Variants in NLGN1 observed in about 807,000 individuals in gnomAD.
The protein encoded by NLGN1 is neuroligin 1, also known as neuroligin-1.
In NLGN1, 12 loss-of-function variants were observed where a neutral mutation model predicts 65.5. That is an observed-to-expected ratio of 0.18 (90% CI 0.12 to 0.30). The LOEUF (loss-of-function observed/expected upper bound fraction) is 0.30. Ranked by LOEUF, NLGN1 falls within the 10% of genes least tolerant of loss-of-function variation. NLGN1 has a pLI of 1.00. For missense variants in NLGN1, 750 were observed against 1,007.1 expected (o/e 0.74, Z 3.46); for synonymous variants, 350 against 359.5 (o/e 0.97, Z 0.30).
intron 2 of NLGN1, among the ~76,000 whole-genome samples, chr3:173,482,444 C>T (rs567953791): frequency 3.5e-4 from 53 of 151,946 alleles, no homozygotes; most frequent in African/African-American, 1.3e-3. Context: ...CACTCCCAGC[C>T]CCATCTCCAC....
At chr3:173,812,349 G>A (rs1433282826) in intron 4 of NLGN1, among the ~76,000 whole-genome samples, 2 of 152,062 alleles carry the variant, frequency 1.3e-5, no homozygotes, top group Admixed American at 1.3e-4. Flanking sequence ...TATTAGATAT[G>A]GTTAATGAAA....
chr3:174,053,586 T>G (rs1188467375), intron 4 of NLGN1, among the ~76,000 whole-genome samples: 2 of 152,030 alleles, frequency 1.3e-5, no homozygotes, highest in Non-Finnish European at 2.9e-5. Context: ...GAGCAGTAAG[T>G]AATGGGTAAA....
At chr3:173,718,884 G>A (rs943972561) in intron 3 of NLGN1, among the ~76,000 whole-genome samples, 1 of 152,138 alleles carries the variant, frequency 6.6e-6, no homozygotes, top group African/African-American at 2.4e-5. Flanking sequence ...TTTTATGATT[G>A]GTGAACTGAA....
At chr3:173,754,399 T>A (rs181050946) in intron 3 of NLGN1, among the ~76,000 whole-genome samples, 4 of 152,296 alleles carry the variant, frequency 2.6e-5, no homozygotes, top group Admixed American at 1.3e-4. Flanking sequence ...CTGTACTACA[T>A]GAAATTGCAA....
At chr3:174,082,899 G>A (rs966483250) in intron 4 of NLGN1, among the ~76,000 whole-genome samples, 1 of 151,924 alleles carries the variant, frequency 6.6e-6, no homozygotes, top group African/African-American at 2.4e-5. Flanking sequence ...TTTTTTGTGT[G>A]TATTTTTAGT....
intron 4 of NLGN1, among the ~76,000 whole-genome samples, chr3:174,102,581 T>A (rs1267080047): frequency 6.6e-6 from 1 of 152,062 alleles, no homozygotes; most frequent in Non-Finnish European, 1.5e-5. Flanking sequence ...AAAATGACGA[T>A]AGGAATAAAA....
chr3:173,430,092 G>T (rs1196743528), intron 1 of NLGN1, among the ~76,000 whole-genome samples: 1 of 152,180 alleles, frequency 6.6e-6, no homozygotes, highest in Non-Finnish European at 1.5e-5. Flanking sequence ...TGACGAAACT[G>T]TCTGTCTTCC....
chr3:173,494,611 C>T (rs982404242), intron 2 of NLGN1, among the ~76,000 whole-genome samples: 3 of 151,740 alleles, frequency 2.0e-5, no homozygotes, highest in African/African-American at 4.9e-5. Flanking sequence ...GAAACTTTGA[C>T]TAACATCAAG....
chr3:173,397,766 C>T (rs969272415), upstream of NLGN1: 1 of 152,212 alleles, frequency 6.6e-6, no homozygotes, highest in African/African-American at 2.4e-5. Flanking sequence ...AGCCGAGGAT[C>T]AGGCGGCGGC....
intron 2 of NLGN1, among the ~76,000 whole-genome samples, chr3:173,573,832 G>C (rs1745039522): frequency 6.6e-6 from 1 of 151,600 alleles, no homozygotes; most frequent in African/African-American, 2.4e-5. Context: ...AGGAGACTGA[G>C]GTGGTCGGAT....
intron 4 of NLGN1, among the ~76,000 whole-genome samples, chr3:174,095,787 G>A (rs560604934): frequency 6.6e-6 from 1 of 152,012 alleles, no homozygotes; most frequent in South Asian, 2.1e-4. Flanking sequence ...ATCACCTGAG[G>A]TCAGGAGTTC....
chr3:173,972,487 G>A (rs1716488515), intron 4 of NLGN1, among the ~76,000 whole-genome samples: 1 of 152,090 alleles, frequency 6.6e-6, no homozygotes, highest in South Asian at 2.1e-4. Flanking sequence ...GGTTCAGTAA[G>A]TTCCCAAAGA....
At chr3:173,786,892 A>G (rs1332601851) in intron 3 of NLGN1, among the ~76,000 whole-genome samples, 2 of 152,156 alleles carry the variant, frequency 1.3e-5, no homozygotes, top group South Asian at 2.1e-4. Context: ...CCTGGCCAAC[A>G]TAGTGAAACC....
chr3:174,005,359 G>A (rs192969274), intron 4 of NLGN1, among the ~76,000 whole-genome samples: 13 of 152,202 alleles, frequency 8.5e-5, no homozygotes, highest in East Asian at 7.7e-4. Flanking sequence ...CTGGGACCTC[G>A]TGTGTATTGC....
At chr3:173,834,196 C>A (rs899033156) in intron 4 of NLGN1, among the ~76,000 whole-genome samples, 7 of 152,114 alleles carry the variant, frequency 4.6e-5, no homozygotes, top group Non-Finnish European at 1.0e-4. Flanking sequence ...CTCTTATATT[C>A]CATTCTGTTC....
At chr3:173,560,285 G>A (rs1399387736) in intron 2 of NLGN1, among the ~76,000 whole-genome samples, 1 of 151,620 alleles carries the variant, frequency 6.6e-6, no homozygotes, top group African/African-American at 2.4e-5. Flanking sequence ...CCTAAGCCAT[G>A]GAAATATGGA....
chr3:173,618,392 TCC>T (rs1753470223), intron 3 of NLGN1, among the ~76,000 whole-genome samples: 1 of 152,018 alleles, frequency 6.6e-6, no homozygotes, highest in Non-Finnish European at 1.5e-5. Flanking sequence ...AGATGCGGTC[TCC>T]CTAAGTTGGC....
chr3:173,642,867 A>G (rs957766918), intron 3 of NLGN1, among the ~76,000 whole-genome samples: 4 of 152,226 alleles, frequency 2.6e-5, no homozygotes, highest in Admixed American at 6.5e-5. Context: ...TAAGTAAAAT[A>G]CTAAGTCAAC....
At chr3:174,152,073 T>C (rs1429070688) in intron 4 of NLGN1, among the ~76,000 whole-genome samples, 3 of 152,144 alleles carry the variant, frequency 2.0e-5, no homozygotes, top group South Asian at 2.1e-4. Flanking sequence ...TCAAAAGTTT[T>C]CATCCAGAAC....
Sources: allele counts gnomAD v4.1 joint callset (sites outside exome capture counted in the v4.1 genomes callset), GRCh38; gene constraint gnomAD v4.1.1; transcripts MANE v1.5; gene names NCBI Gene and HGNC (gene_info 2026-07-23, HGNC 2026-07-21).